SLC4A4: variants seen among roughly 807,000 people sequenced by gnomAD.
SLC4A4 encodes solute carrier family 4 member 4.
A neutral mutation model predicts 111.5 loss-of-function variants in SLC4A4; 27 were observed. The ratio of observed to expected loss-of-function variants is 0.24; its 90% CI spans 0.18 to 0.33. The LOEUF (loss-of-function observed/expected upper bound fraction) is 0.33, where lower values mean the gene tolerates loss of function less well. SLC4A4 is among the 10% of genes least tolerant of loss of function. The probability of loss-of-function intolerance (pLI) is 1.00; values close to 1 mark genes in which losing one functional copy is unlikely to be tolerated. For missense variants in SLC4A4, 909 were observed against 1,315.5 expected (o/e 0.69, Z 4.78); for synonymous variants, 443 against 463.4 (o/e 0.96, Z 0.57).
At chr4:71,308,384 G>A (rs1304245265) in intron 3 of SLC4A4, among the ~76,000 whole-genome samples, 1 of 152,196 alleles carries the variant, frequency 6.6e-6, no homozygotes, top group Non-Finnish European at 1.5e-5. Flanking sequence ...ACTATAGTGT[G>A]CACAGTTACT....
At chr4:71,368,684 A>G (rs1053962406) in intron 6 of SLC4A4, among the ~76,000 whole-genome samples, 1 of 152,170 alleles carries the variant, frequency 6.6e-6, no homozygotes, top group African/African-American at 2.4e-5. Context: ...ATTATTAACA[A>G]TCTTGATCTT....
chr4:71,500,586 C>A (rs1158312832), intron 16 of SLC4A4, among the ~76,000 whole-genome samples: 4 of 152,104 alleles, frequency 2.6e-5, no homozygotes, highest in African/African-American at 9.7e-5. Context: ...TCCCAAAGTG[C>A]CGGGATTACA....
At position 71,440,706 on chromosome 4, in the gene SLC4A4, A is replaced by G. The variant is rs747159754; in HGVS notation, c.898A>G (p.Ile300Val). 9.2e-5 allele frequency: 149 copies of G among 1,613,972 alleles called. No homozygotes were observed. The highest frequency in any genetic ancestry group is 1.2e-4 in the Non-Finnish European group (139 of 1,179,980). ...GEVDFLDTPFIAFVRLQQAVM... is the reference protein window; with the variant it reads ...GEVDFLDTPFVAFVRLQQAVM... Reference sequence around the variant, plus strand: ...GGTTGACTTTTTGGATACTCCTTTCATTGCCTTTGTTAGGCTACAGCAGGC... The same window carrying G: ...GGTTGACTTTTTGGATACTCCTTTCGTTGCCTTTGTTAGGCTACAGCAGGC... The change falls in exon 8 of 26, where the codon ATT (isoleucine) becomes GTT (valine). Residue 300 changes from isoleucine to valine, a missense_variant. Physicochemically the swap from Ile to Val is conservative, Grantham distance 29 (BLOSUM62 3). Transcript: ENST00000264485.
chr4:71,520,452 T>G (rs528443598), intron 16 of SLC4A4, among the ~76,000 whole-genome samples: 11 of 152,214 alleles, frequency 7.2e-5, no homozygotes, highest in Non-Finnish European at 1.0e-4. Context: ...TGCTGCATTT[T>G]GTGGGAAGAG....
At chr4:71,338,336 A>T (rs973588149) in intron 3 of SLC4A4, among the ~76,000 whole-genome samples, 1 of 152,066 alleles carries the variant, frequency 6.6e-6, no homozygotes, top group East Asian at 1.9e-4. Flanking sequence ...TATTTCTACA[A>T]ATTTATATAT....
At chr4:71,537,992 T>G (rs1377682779) in intron 18 of SLC4A4, among the ~76,000 whole-genome samples, 1 of 152,174 alleles carries the variant, frequency 6.6e-6, no homozygotes, top group Non-Finnish European at 1.5e-5. Context: ...TGAGCCATAG[T>G]TTCTAAAATA....
chr4:71,239,689 A>G (rs1206978247), intron 2 of SLC4A4, among the ~76,000 whole-genome samples: 1 of 152,204 alleles, frequency 6.6e-6, no homozygotes. Flanking sequence ...CCTAAACCTC[A>G]TTGTCACATA....
At chr4:71,154,507 T>C (rs1159953744) in intron 2 of SLC4A4, among the ~76,000 whole-genome samples, 1 of 152,074 alleles carries the variant, frequency 6.6e-6, no homozygotes, top group Non-Finnish European at 1.5e-5. Flanking sequence ...CAAGAGAGGA[T>C]GCAGTAAAGA....
At chr4:71,176,024 T>C (rs1745084845) in intron 2 of SLC4A4, among the ~76,000 whole-genome samples, 1 of 152,134 alleles carries the variant, frequency 6.6e-6, no homozygotes, top group South Asian at 2.1e-4. Flanking sequence ...TTCACCAATA[T>C]CCGCTGTTCT....
At position 71,487,032 on chromosome 4, in the gene SLC4A4, T is replaced by C; in HGVS notation, c.1974+14T>C. The C allele has an allele frequency of 6.8e-7, 1 of 1,471,314 alleles. No homozygotes were observed. Among genetic ancestry groups the C allele is most frequent in the South Asian group, 1.1e-5 (1 of 87,990 alleles). 91.1% of individuals were successfully genotyped at this position (1,471,314 alleles called of 1,614,324 possible). A position where few individuals can be genotyped will look rare whatever the true frequency, so the allele number is the denominator to read the frequency against. On this transcript the variant is annotated intron_variant, in intron 15 of 25. Coordinates refer to ENST00000264485, the MANE Select transcript of SLC4A4 (RefSeq NM_001098484.3). ...TCTACTGACATGGTAAGTGACTTAC[T>C]ATTTTAAATTACCTTCATACTGACT...
intron 7 of SLC4A4, among the ~76,000 whole-genome samples, chr4:71,398,226 A>G (rs1321380021): frequency 2.0e-5 from 3 of 150,420 alleles, no homozygotes; most frequent in Non-Finnish European, 4.4e-5. Context: ...CAGAGGTTGC[A>G]TTGCACTGAG....
At chr4:71,351,620 C>T (rs546396757) in intron 5 of SLC4A4, among the ~76,000 whole-genome samples, 1 of 152,162 alleles carries the variant, frequency 6.6e-6, no homozygotes, top group African/African-American at 2.4e-5. Context: ...TTTTGGAGGC[C>T]GAGGTGGGTG....
intron 1 of SLC4A4, among the ~76,000 whole-genome samples, chr4:71,092,311 C>G (rs1466020309): frequency 6.6e-6 from 1 of 152,074 alleles, no homozygotes; most frequent in African/African-American, 2.4e-5. Flanking sequence ...AGATTTCTCT[C>G]TTTTTATATT....
intron 3 of SLC4A4, among the ~76,000 whole-genome samples, chr4:71,324,873 C>T (rs1231237310): frequency 6.6e-6 from 1 of 151,888 alleles, no homozygotes; most frequent in Non-Finnish European, 1.5e-5. Flanking sequence ...TTACTCTGCT[C>T]CTAACTAAGG....
At chr4:71,251,431 T>G (rs1721063123) in intron 2 of SLC4A4, among the ~76,000 whole-genome samples, 1 of 152,190 alleles carries the variant, frequency 6.6e-6, no homozygotes, top group Non-Finnish European at 1.5e-5. Context: ...AAGAATCACG[T>G]AGTGATCATT....
At chr4:71,525,867 G>T (rs1435355654) in intron 16 of SLC4A4, among the ~76,000 whole-genome samples, 3 of 152,086 alleles carry the variant, frequency 2.0e-5, no homozygotes, top group Non-Finnish European at 4.4e-5. Context: ...CAAGTTTGAT[G>T]AAATGAAAGG....
chr4:71,440,569 G>A, intron 7 of SLC4A4, 47 bp from the exon 8 acceptor site: 2 of 1,604,406 alleles, frequency 1.2e-6, no homozygotes, highest in Non-Finnish European at 8.5e-7. Context: ...TAATTCCACA[G>A]GAACCTTGTG....
At chr4:71,440,859 A>C (rs1038152365) in intron 8 of SLC4A4, 86 bp downstream of exon 8, 5 of 1,437,980 alleles carry the variant, frequency 3.5e-6, no homozygotes, top group African/African-American at 2.8e-5. Context: ...AGAATGAGGA[A>C]ATATTTAGTG....
At chr4:71,120,819 C>T (rs1743391864) in intron 2 of SLC4A4, among the ~76,000 whole-genome samples, 2 of 152,220 alleles carry the variant, frequency 1.3e-5, no homozygotes. Context: ...TCTGTGCCCA[C>T]TCTGGCTGCA....
Sources: allele counts gnomAD v4.1 joint callset (sites outside exome capture counted in the v4.1 genomes callset), GRCh38; gene constraint gnomAD v4.1.1; transcripts MANE v1.5; gene names NCBI Gene and HGNC (gene_info 2026-07-23, HGNC 2026-07-21).